Variants in POLR1B observed in about 807,000 individuals in gnomAD.
The protein encoded by POLR1B is DNA-directed RNA polymerase I subunit RPA2.
Under a neutral mutation model 105.8 loss-of-function variants are expected in POLR1B, and 30 were observed. That is an observed-to-expected ratio of 0.28 (90% confidence interval 0.21 to 0.38). POLR1B has a LOEUF of 0.38. POLR1B is among the 10% of genes least tolerant of loss of function. POLR1B has a pLI of 1.00. For synonymous variants in POLR1B, 485 were observed against 505.1 expected, an observed-to-expected ratio of 0.96 and a Z score of 0.53; for missense variants, 976 against 1,435.8, an observed-to-expected ratio of 0.68 and a Z score of 5.17.
intron 4 of POLR1B, 60 bp downstream of exon 4, chr2:112,549,459 T>A: frequency 7.8e-7 from 1 of 1,276,046 alleles, no homozygotes; most frequent in Admixed American, 3.0e-5. Flanking sequence ...TTTTTTTTTT[T>A]GAAGTAGATG....
At chr2:112,569,870 T>A (rs560453301) in intron 12 of POLR1B, among the ~76,000 whole-genome samples, 1 of 152,132 alleles carries the variant, frequency 6.6e-6, no homozygotes, top group African/African-American at 2.4e-5. Flanking sequence ...CAAATTTTGT[T>A]TTTTTTCAGT....
rs751873600 is a variant in POLR1B, at chr2:112,564,473, A to G, written c.1720A>G (p.Ile574Val). The G allele has an allele frequency of 2.5e-6, 4 of 1,614,140 alleles. No homozygotes were observed. Among genetic ancestry groups the G allele is most frequent in the African/African-American group, 2.7e-5 (2 of 74,960 alleles). ...GWVDKDLAPG[I>V]ADSLRHFKVL... ...GGTGGATAAGGATCTTGCTCCAGGC[A>G]TCGCAGATTCTCTTCGTCATTTTAA... is the stretch of plus-strand genomic sequence containing the variant. The change falls in exon 10 of 15, where the codon ATC becomes GTC. Residue 574 changes from isoleucine (I) to valine (V), a missense_variant. By Grantham distance (29) the Ile-to-Val change is conservative (BLOSUM62 3). This residue lies in a region of POLR1B where 184 missense variants were observed against 197.4 expected (regional missense o/e 0.93). Coordinates refer to ENST00000263331, the MANE Select transcript of POLR1B (RefSeq NM_019014.6).
At chr2:112,570,273 C>T (rs1046409544) in intron 12 of POLR1B, among the ~76,000 whole-genome samples, 15 of 152,202 alleles carry the variant, frequency 9.9e-5, no homozygotes, top group African/African-American at 3.4e-4. Flanking sequence ...GTCTCAAACT[C>T]CTGACCTGAA....
intron 1 of POLR1B, among the ~76,000 whole-genome samples, chr2:112,545,362 C>T (rs111645705): frequency 2.6e-5 from 4 of 152,004 alleles, no homozygotes; most frequent in Admixed American, 2.6e-4. Context: ...GCATGAGTTA[C>T]GGACTCAATA....
Position 112,573,568 on chromosome 2 carries a change from A to G in POLR1B, c.2278A>G (p.Asn760Asp). ...GYDMEDAMIV[N>D]KASWERGFAH... ...CGATTCTTTTACTTCACAGATTGTG[A>G]ATAAGGCCTCTTGGGAACGAGGCTT... is the stretch of plus-strand genomic sequence containing the variant. The change falls in exon 14 of 15, where the codon AAT becomes GAT. Residue 760 changes from asparagine (N) to aspartate (D), a missense_variant. Around this residue, in one of 12 missense-constraint regions of POLR1B, gnomAD observed 119 missense variants for 149.7 expected, o/e 0.79. Transcript: ENST00000263331. 6.2e-7 allele frequency: 1 copy of G among 1,612,758 alleles called. No homozygotes were observed. The highest frequency in any genetic ancestry group is 8.5e-7 in the Non-Finnish European group (1 of 1,179,448).
rs56190123 is a variant in POLR1B at position 112,579,208 on chromosome 2, C to CAAAAAAAAAAAAAAA, written c.*3497_*3511dup. ...GGGCAACAGAGCAAGACTAGAGTCT[C>CAAAAAAAAAAAAAAA]AAAAAAAAAAAAAAAAAAAAAAAAA... On this transcript the variant is annotated 3_prime_UTR_variant, in exon 15 of 15. Coordinates refer to ENST00000263331, the MANE Select transcript of POLR1B (RefSeq NM_019014.6). Among the ~76,000 whole-genome samples the CAAAAAAAAAAAAAAA allele has an allele frequency of 3.4e-5, 2 of 58,694 alleles. No homozygotes were observed. The highest frequency in any genetic ancestry group is 7.1e-5 in the African/African-American group (1 of 14,100). The allele number at this position is 58,694 out of a possible 152,430, so 38.5% of individuals were successfully genotyped here.
At chr2:112,549,715 G>A (rs1161229242) in intron 4 of POLR1B, among the ~76,000 whole-genome samples, 2 of 152,064 alleles carry the variant, frequency 1.3e-5, no homozygotes, top group African/African-American at 4.8e-5. Context: ...AAGAAATGGA[G>A]AGATGTTAGT....
rs959769736 is a variant in POLR1B, at chr2:112,579,036, C to T, written c.*3307C>T. On this transcript the variant is annotated 3_prime_UTR_variant, in exon 15 of 15. Coordinates refer to ENST00000263331, the MANE Select transcript of POLR1B (RefSeq NM_019014.6). ...CAGCCTGGCCATCATGGGGAAACCC[C>T]GTCTCTATTAAAAATACAAAAATTA... is the stretch of plus-strand genomic sequence containing the variant. Among the ~76,000 whole-genome samples, 16 of 150,582 alleles carry T rather than the reference C, an allele frequency of 1.1e-4. No homozygotes were observed. The highest frequency in any genetic ancestry group is 3.9e-4 in the African/African-American group (16 of 40,992).
chr2:112,550,872 C>T lies in POLR1B; in HGVS notation c.632C>T (p.Ser211Leu), dbSNP rs868100207. 6.2e-7 allele frequency: 1 copy of T among 1,614,002 alleles called. No homozygotes were observed. Among genetic ancestry groups the T allele is most frequent in the Non-Finnish European group, 8.5e-7 (1 of 1,179,948 alleles). Residue 211 changes from serine (S) to leucine (L), a missense_variant, in exon 5 of 15, where the codon TCA becomes TTA. Ser to Leu is a moderately radical substitution (Grantham distance 145). This residue lies in a region of POLR1B where 452 missense variants were observed against 616.5 expected (regional missense o/e 0.73). Transcript: ENST00000263331. The stretch of plus-strand genomic sequence containing the variant: ...TTGTTGTTTGGTTCAATAGGAGTTT[C>T]AATGCACTGTGTGAGGGAAGAACAT... ...RGPGYTQYGV[S>L]MHCVREEHSA...
At chr2:112,542,162 A>C, upstream of POLR1B, 1 of 1,535,682 alleles carries the variant, frequency 6.5e-7, no homozygotes, top group Non-Finnish European at 8.7e-7. Flanking sequence ...ATGAGAGCCA[A>C]AGAGGTCACA....
chr2:112,545,311 T>G (rs987173964), intron 1 of POLR1B, among the ~76,000 whole-genome samples: 1 of 152,128 alleles, frequency 6.6e-6, no homozygotes, highest in Non-Finnish European at 1.5e-5. Context: ...TAATGCAAGG[T>G]TGTGTATTGA....
intron 1 of POLR1B, among the ~76,000 whole-genome samples, chr2:112,545,449 G>A (rs1682987960): frequency 6.6e-6 from 1 of 152,098 alleles, no homozygotes; most frequent in Non-Finnish European, 1.5e-5. Flanking sequence ...GATGAAATGT[G>A]ACCAGAGGCT....
chr2:112,547,010 A>C lies in POLR1B; in HGVS notation c.178-2A>C. The C allele has an allele frequency of 6.2e-7, 1 of 1,613,840 alleles. No homozygotes were observed. Among genetic ancestry groups the C allele is most frequent in the Non-Finnish European group, 8.5e-7 (1 of 1,179,912 alleles). On this transcript the variant is annotated splice_acceptor_variant, in intron 1 of 14. Transcript: ENST00000263331. LOFTEE classifies it high-confidence loss of function. The stretch of plus-strand genomic sequence containing the variant: ...AATTTAATAGTGTGAATTGCATTTC[A>C]GGCTATACCTCCCTTTGAATTTGCT...
intron 12 of POLR1B, among the ~76,000 whole-genome samples, chr2:112,571,090 C>CT (rs1484318688): frequency 6.6e-6 from 1 of 152,004 alleles, no homozygotes; most frequent in Non-Finnish European, 1.5e-5. Flanking sequence ...TGACTTGTTT[C>CT]TTTTTTTATA....
rs558181186 is a variant in POLR1B, at chr2:112,546,871, G to T, written c.178-141G>T. The T allele has an allele frequency of 2.6e-5, 23 of 869,152 alleles. No homozygotes were observed. In the African/African-American group the frequency reaches 3.9e-4, roughly 15 times the overall value. The allele number at this position is 869,152 out of a possible 1,614,324, so 53.8% of individuals were successfully genotyped here. On this transcript the variant is annotated intron_variant, in intron 1 of 14. Coordinates refer to ENST00000263331, the MANE Select transcript of POLR1B (RefSeq NM_019014.6). ...AACCACTGCGCCCGGCCAACTGGAG[G>T]TAGCCTTAACTGTCCTTTTTAGGTG...
intron 1 of POLR1B, among the ~76,000 whole-genome samples, chr2:112,546,544 CTTTTTTTTTTTTTT>C (rs869087985): frequency 1.9e-4 from 10 of 53,188 alleles, no homozygotes; most frequent in Admixed American, 1.7e-3. Flanking sequence ...CTGGAGGTAG[CTTTTTTTTTTTTTT>C]TTTTTTTTTT....
At chr2:112,574,790 CTT>C in intron 14 of POLR1B, 55 bp from the exon 15 acceptor site, 1 of 1,042,826 alleles carries the variant, frequency 9.6e-7, no homozygotes, top group Non-Finnish European at 1.3e-6. Context: ...ATCAATGAAA[CTT>C]ATCTCCATAA....
chr2:112,568,841 C>G lies in POLR1B; in HGVS notation c.2013C>G (p.Ala671=). 1 of 1,614,178 alleles carries G rather than the reference C, an allele frequency of 6.2e-7. No homozygotes were observed. Among genetic ancestry groups the G allele is most frequent in the East Asian group, 2.2e-5 (1 of 44,888 alleles). ...LFPHSLLSVI[A]NFIPFSDHNQ... ...CACACAGCCTGCTGAGTGTGATTGC[C>G]AACTTCATCCCTTTCTCTGATCACA... The change falls in exon 12 of 15, where the codon GCC becomes GCG. Residue 671 remains alanine (A), a synonymous_variant. Coordinates refer to ENST00000263331, the MANE Select transcript of POLR1B (RefSeq NM_019014.6).
At chr2:112,542,353 G>C, upstream of POLR1B, 1 of 1,570,892 alleles carries the variant, frequency 6.4e-7, no homozygotes. Context: ...AAACCGCAGG[G>C]CCTAGGGCGG....
Sources: allele counts gnomAD v4.1 joint callset (sites outside exome capture counted in the v4.1 genomes callset), GRCh38; gene constraint gnomAD v4.1.1; regional missense constraint gnomAD v4.1.1; transcripts MANE v1.5; gene names NCBI Gene and HGNC (gene_info 2026-07-23, HGNC 2026-07-21).